Variants in SLC9A9 observed in about 807,000 individuals in gnomAD.
SLC9A9 encodes sodium/hydrogen exchanger 9.
Under a neutral mutation model 77.8 loss-of-function variants are expected in SLC9A9, and 62 were observed. That is an observed-to-expected ratio of 0.80 (90% CI 0.65 to 0.98). SLC9A9 has a LOEUF of 0.98. Among genes scored for constraint, SLC9A9 ranks in the 50% least tolerant of loss-of-function variants. SLC9A9 has a pLI of 0.00. For synonymous variants in SLC9A9, 320 were observed against 283.5 expected (o/e 1.13, Z -1.29); for missense variants, 775 against 774.9 (o/e 1.00, Z 0.00).
intron 4 of SLC9A9, among the ~76,000 whole-genome samples, chr3:143,726,251 G>GAAAAAA (rs3055626): frequency 1.5e-5 from 2 of 136,932 alleles, no homozygotes; most frequent in African/African-American, 5.5e-5. Flanking sequence ...AATAAAAAAA[G>GAAAAAA]AAAAAAAAAA....
At chr3:143,696,902 A>T (rs1225446559) in intron 4 of SLC9A9, among the ~76,000 whole-genome samples, 1 of 152,124 alleles carries the variant, frequency 6.6e-6, no homozygotes, top group Non-Finnish European at 1.5e-5. Flanking sequence ...ACAATTTGGC[A>T]ATTTATTCTA....
rs189737135 is a variant in SLC9A9 at position 143,646,027 on chromosome 3, C to A, written c.755+6228G>T. The stretch of plus-strand genomic sequence containing the variant: ...AAACAGCCAACATCTTCTTTCTCTT[C>A]TATCATGGGTAGCAAAAGAATTTCA... On this transcript the variant is annotated intron_variant, in intron 6 of 15. Coordinates refer to ENST00000316549, the MANE Select transcript of SLC9A9 (RefSeq NM_173653.4). Among the ~76,000 whole-genome samples, 516 of 152,188 alleles carry A rather than the reference C, an allele frequency of 3.4e-3. 6 individuals carry two copies. The highest frequency in any genetic ancestry group is 0.012 in the African/African-American group (497 of 41,548).
At chr3:143,685,351 T>G (rs1215392977) in intron 5 of SLC9A9, among the ~76,000 whole-genome samples, 2 of 152,100 alleles carry the variant, frequency 1.3e-5, no homozygotes, top group African/African-American at 4.8e-5. Context: ...AACATGTATC[T>G]CGTAAGTATC....
At chr3:143,269,816 A>T (rs1315811689) in intron 14 of SLC9A9, among the ~76,000 whole-genome samples, 2 of 152,242 alleles carry the variant, frequency 1.3e-5, no homozygotes, top group Non-Finnish European at 2.9e-5. Context: ...AAATAGGGAA[A>T]GGGAAAAAAT....
intron 2 of SLC9A9, among the ~76,000 whole-genome samples, chr3:143,811,280 C>G (rs1576744217): frequency 1.3e-5 from 2 of 152,304 alleles, no homozygotes; most frequent in Middle Eastern, 6.8e-3. Flanking sequence ...AGGGACAGCT[C>G]AAGTGTGTGC....
At chr3:143,281,955 G>A (rs116135247) in intron 14 of SLC9A9, among the ~76,000 whole-genome samples, 223 of 152,246 alleles carry the variant, frequency 1.5e-3, no homozygotes, top group African/African-American at 5.2e-3. Context: ...AGGGGAATCA[G>A]GCTCAATGTC....
At chr3:143,375,075 T>C (rs1525006) in intron 13 of SLC9A9, among the ~76,000 whole-genome samples, 120,708 of 152,152 alleles carry the variant, frequency 0.79, 47,999 homozygotes, top group Admixed American at 0.8. Flanking sequence ...TACTGAGCTA[T>C]GCCAACTGGA....
chr3:143,802,905 C>G (rs1377412923), intron 2 of SLC9A9, among the ~76,000 whole-genome samples: 7 of 152,162 alleles, frequency 4.6e-5, no homozygotes. Context: ...CAGCCCCAAC[C>G]TTGTCCCAGA....
intron 12 of SLC9A9, among the ~76,000 whole-genome samples, chr3:143,400,386 G>A (rs1333654106): frequency 6.6e-6 from 1 of 152,130 alleles, no homozygotes; most frequent in African/African-American, 2.4e-5. Flanking sequence ...GCATCCGCAG[G>A]AACCTGGATG....
At chr3:143,470,941 A>T (rs1412387303) in intron 11 of SLC9A9, among the ~76,000 whole-genome samples, 1 of 152,236 alleles carries the variant, frequency 6.6e-6, no homozygotes, top group African/African-American at 2.4e-5. Context: ...TATATAGAAC[A>T]TCTATATTTA....
At chr3:143,834,138 T>A (rs1306165177) in intron 1 of SLC9A9, among the ~76,000 whole-genome samples, 1 of 152,220 alleles carries the variant, frequency 6.6e-6, no homozygotes, top group Non-Finnish European at 1.5e-5. Context: ...TTTTATTTTA[T>A]TATTCCTGCT....
intron 6 of SLC9A9, among the ~76,000 whole-genome samples, chr3:143,590,106 G>T (rs1381025890): frequency 6.6e-6 from 1 of 152,084 alleles, no homozygotes; most frequent in Non-Finnish European, 1.5e-5. Flanking sequence ...ATATCTCCTG[G>T]CATTCATACC....
intron 12 of SLC9A9, among the ~76,000 whole-genome samples, chr3:143,393,926 C>T (rs1477801330): frequency 2.6e-5 from 4 of 151,898 alleles, no homozygotes; most frequent in Non-Finnish European, 4.4e-5. Context: ...CTGAATAGAC[C>T]AATATGAGGC....
chr3:143,356,699 G>C (rs2032596123), intron 14 of SLC9A9, among the ~76,000 whole-genome samples: 1 of 152,028 alleles, frequency 6.6e-6, no homozygotes, highest in Non-Finnish European at 1.5e-5. Flanking sequence ...TTTTTTTGTA[G>C]AGGTGGGGTC....
intron 4 of SLC9A9, among the ~76,000 whole-genome samples, chr3:143,794,484 GAA>G (rs1177273876): frequency 6.6e-6 from 1 of 151,814 alleles, no homozygotes; most frequent in East Asian, 1.9e-4. Context: ...AAAATACAAT[GAA>G]AAAAAGAGTC....
chr3:143,623,471 C>T (rs1049188844), intron 6 of SLC9A9, among the ~76,000 whole-genome samples: 43 of 152,098 alleles, frequency 2.8e-4, no homozygotes, highest in African/African-American at 3.9e-4. Flanking sequence ...CACTCAAAAC[C>T]GCTCAACTAC....
intron 9 of SLC9A9, among the ~76,000 whole-genome samples, chr3:143,509,414 A>C (rs72991958): frequency 0.02 from 3,084 of 152,268 alleles, 100 homozygotes; most frequent in African/African-American, 0.069. Flanking sequence ...TTATTTTACA[A>C]CGATTAAGTT....
intron 1 of SLC9A9, among the ~76,000 whole-genome samples, chr3:143,842,979 C>T (rs2009743354): frequency 6.6e-6 from 1 of 152,050 alleles, no homozygotes; most frequent in Non-Finnish European, 1.5e-5. Context: ...TTCCTTTCTT[C>T]CCCATTTTAT....
At chr3:143,395,925 C>T (rs566262479) in intron 12 of SLC9A9, among the ~76,000 whole-genome samples, 2 of 152,168 alleles carry the variant, frequency 1.3e-5, no homozygotes, top group East Asian at 3.9e-4. Flanking sequence ...GTTAGAATGG[C>T]GATCATTAAA....
Sources: allele counts gnomAD v4.1 joint callset (sites outside exome capture counted in the v4.1 genomes callset), GRCh38; gene constraint gnomAD v4.1.1; transcripts MANE v1.5; gene names NCBI Gene and HGNC (gene_info 2026-07-23, HGNC 2026-07-21).